The following OPRPN variants were observed in gnomAD, a reference collection of about 807,000 sequenced individuals.
OPRPN encodes opiorphin prepropeptide.
A neutral mutation model predicts 2.2 loss-of-function variants in OPRPN; 1 was observed. The ratio of observed to expected loss-of-function variants is 0.45; its 90% CI spans 0.16 to 2.15. The LOEUF (loss-of-function observed/expected upper bound fraction) is 2.15, where lower values mean the gene tolerates loss of function less well. Among genes scored for constraint, OPRPN ranks in the 30% most tolerant of loss-of-function variants. The pLI, the probability that OPRPN is intolerant of heterozygous loss-of-function variation, is 0.28. For synonymous variants in OPRPN, 126 were observed against 111.5 expected, an observed-to-expected ratio of 1.13 and a Z score of -0.82; for missense variants, 306 against 297.3, an observed-to-expected ratio of 1.03 and a Z score of -0.21.
chr4:70,400,182 T>C (rs748236253), intron 2 of OPRPN, among the ~76,000 whole-genome samples: 92 of 151,920 alleles, frequency 6.1e-4, no homozygotes, highest in Admixed American at 5.1e-3. Flanking sequence ...ATCCACTGTG[T>C]GTTGGGCCTA....
intron 2 of OPRPN, among the ~76,000 whole-genome samples, chr4:70,401,801 T>C (rs2109769073): frequency 6.6e-6 from 1 of 152,152 alleles, no homozygotes; most frequent in African/African-American, 2.4e-5. Context: ...GACAAGGATA[T>C]CTGCCATGCT....
In OPRPN at chr4:70,409,670, A is replaced by G. The variant is rs61336549; in HGVS notation, c.342A>G (p.Val114=). The change falls in exon 3 of 3, where the codon GTA becomes GTG. Residue 114 remains valine (V), a synonymous_variant. Transcript: ENST00000399575. ...ATTTCCCACTAAGACCTTACTATGT[A>G]GGACCTATTAGGATATTAAAACCCC... ...NLHFPLRPYY[V]GPIRILKPPF... 0.095 allele frequency: 153,379 copies of G among 1,613,614 alleles called. 8,917 individuals carry two copies. The highest frequency in any genetic ancestry group is 0.22 in the East Asian group (9,764 of 44,876).
chr4:70,409,364 G>T lies in OPRPN; in HGVS notation c.52-16G>T. 1.9e-6 allele frequency: 3 copies of T among 1,559,524 alleles called. No homozygotes were observed. Among genetic ancestry groups the T allele is most frequent in the South Asian group, 2.4e-5 (2 of 82,590 alleles). On this transcript the variant is annotated splice_polypyrimidine_tract_variant and intron_variant, in intron 2 of 2. Transcript: ENST00000399575. ...TTTAGAAATTTTGTTTTTTACCTTT[G>T]TTTTTATCTCCACAGCCCAGTGAGA...
At chr4:70,399,215 G>T (rs1292363470) in intron 1 of OPRPN, 56 bp from the exon 2 acceptor site, 13 of 1,345,666 alleles carry the variant, frequency 9.7e-6, no homozygotes, top group Non-Finnish European at 1.3e-5. Context: ...AATTTTTTCT[G>T]AAAAACACTG....
chr4:70,400,428 TA>T (rs1000163988), intron 2 of OPRPN, among the ~76,000 whole-genome samples: 27 of 151,926 alleles, frequency 1.8e-4, no homozygotes, highest in African/African-American at 6.5e-4. Flanking sequence ...AACATTTGTA[TA>T]AAAAAATTAT....
chr4:70,409,523 T>C lies in OPRPN; in HGVS notation c.195T>C (p.Phe65=), dbSNP rs1733168750. 6.2e-7 allele frequency: 1 copy of C among 1,613,984 alleles called. No individual in the cohort carries two copies. The highest frequency in any genetic ancestry group is 8.5e-7 in the Non-Finnish European group (1 of 1,179,954). ...SRLNSPLSLP[F]VPGRVPPSSF... is the part of the protein sequence containing the mutation. ...TTAATTCACCACTTTCTCTTCCCTT[T>C]GTCCCAGGGCGAGTTCCACCATCTT... The change falls in exon 3 of 3, where the codon TTT becomes TTC. Residue 65 remains phenylalanine, a synonymous_variant. Transcript: ENST00000399575.
chr4:70,404,097 A>G (rs185401650), intron 2 of OPRPN, among the ~76,000 whole-genome samples: 50 of 152,168 alleles, frequency 3.3e-4, no homozygotes, highest in East Asian at 2.5e-3. Context: ...TCTTAAGCCT[A>G]CTCCAAGCAG....
intron 1 of OPRPN, 101 bp from the exon 2 acceptor site, chr4:70,399,170 T>C (rs1008587094): frequency 2.1e-5 from 15 of 722,116 alleles, no homozygotes; most frequent in Middle Eastern, 7.7e-4. Flanking sequence ...TCTTTCTTCA[T>C]CATTTTACAT....
At chr4:70,400,582 AC>A (rs1316197570) in intron 2 of OPRPN, among the ~76,000 whole-genome samples, 1 of 151,864 alleles carries the variant, frequency 6.6e-6, no homozygotes, top group Non-Finnish European at 1.5e-5. Context: ...GGGCCTGGAA[AC>A]CTGCATTCTA....
chr4:70,406,971 T>C (rs947114869), intron 2 of OPRPN, among the ~76,000 whole-genome samples: 1 of 152,202 alleles, frequency 6.6e-6, no homozygotes, highest in Non-Finnish European at 1.5e-5. Context: ...AAAGTAGAAC[T>C]GGCACAGCAA....
chr4:70,398,729 A>G (rs1441209085), intron 1 of OPRPN, among the ~76,000 whole-genome samples: 2 of 151,980 alleles, frequency 1.3e-5, no homozygotes, highest in Non-Finnish European at 2.9e-5. Flanking sequence ...ATCATATCAA[A>G]GTAATAATAC....
intron 1 of OPRPN, among the ~76,000 whole-genome samples, 177 bp downstream of exon 1, chr4:70,398,217 GA>G (rs1180538336): frequency 7.9e-5 from 12 of 151,502 alleles, no homozygotes. Flanking sequence ...TAAAATTCCT[GA>G]AAAAATGTCA....
At chr4:70,399,368 A>T in intron 2 of OPRPN, 32 bp downstream of exon 2, 1 of 1,526,822 alleles carries the variant, frequency 6.5e-7, no homozygotes, top group Non-Finnish European at 9.0e-7. Context: ...TTTACTTGTT[A>T]TATTTATTGT....
intron 2 of OPRPN, among the ~76,000 whole-genome samples, chr4:70,400,466 T>C (rs1201840384): frequency 6.6e-6 from 1 of 151,986 alleles, no homozygotes. Flanking sequence ...TAGAAGATTA[T>C]TATACTCCAT....
intron 2 of OPRPN, among the ~76,000 whole-genome samples, chr4:70,403,725 G>C (rs1017998915): frequency 6.6e-6 from 1 of 152,000 alleles, no homozygotes; most frequent in Non-Finnish European, 1.5e-5. Flanking sequence ...CACATAACTT[G>C]TGAATGGAGA....
Position 70,409,752 on chromosome 4 carries a change from C to A in OPRPN, c.424C>A (p.Pro142Thr), listed in dbSNP as rs191965892. The A allele has an allele frequency of 2.8e-4, 453 of 1,613,582 alleles. 1 individual carries two copies. In the African/African-American group the frequency reaches 5.1e-3, roughly 18 times the overall value. ...AIYLPISNPEPQINITTADTT... is the reference protein window; with the variant it reads ...AIYLPISNPETQINITTADTT... ...TTACCTTCCTATCTCTAACCCTGAG[C>A]CCCAAATAAACATCACCACCGCAGA... The change falls in exon 3 of 3, where the codon CCC becomes ACC. Residue 142 changes from proline (P) to threonine (T), a missense_variant. Pro to Thr is a conservative substitution (Grantham distance 38, BLOSUM62 -1). Coordinates refer to ENST00000399575, the MANE Select transcript of OPRPN (RefSeq NM_021225.5).
intron 2 of OPRPN, among the ~76,000 whole-genome samples, chr4:70,401,394 C>T (rs570724249): frequency 2.3e-4 from 35 of 152,082 alleles, no homozygotes; most frequent in African/African-American, 8.2e-4. Context: ...AATAAAGAAA[C>T]TTTATTGTAC....
intron 2 of OPRPN, among the ~76,000 whole-genome samples, chr4:70,409,067 T>C (rs1733153235): frequency 6.6e-6 from 1 of 152,212 alleles, no homozygotes; most frequent in South Asian, 2.1e-4. Flanking sequence ...TGGTCTTTTC[T>C]TATACATAAT....
chr4:70,400,277 A>C (rs564748104), intron 2 of OPRPN, among the ~76,000 whole-genome samples: 2 of 152,056 alleles, frequency 1.3e-5, no homozygotes, highest in South Asian at 4.1e-4. Flanking sequence ...TATAGTATCT[A>C]CCTAAGAGAA....
Sources: gnomAD v4.1 joint callset for allele counts (sites outside exome capture counted in the v4.1 genomes callset) on GRCh38, gnomAD v4.1.1 for gene constraint, MANE v1.5 for transcripts, NCBI Gene and HGNC (gene_info 2026-07-23, HGNC 2026-07-21) for gene names.